ST6GALNAC3: variants seen among roughly 807,000 people sequenced by gnomAD.
The protein encoded by ST6GALNAC3 is ST6 N-acetylgalactosaminide alpha-2,6-sialyltransferase 3.
Under a neutral mutation model 32.7 loss-of-function variants are expected in ST6GALNAC3, and 25 were observed. The observed-to-expected ratio is 0.76, with a 90% confidence interval of 0.56 to 1.07. The LOEUF is 1.07. Among genes scored for constraint, ST6GALNAC3 ranks in the 50% least tolerant of loss-of-function variants. The pLI is 0.00. For synonymous variants in ST6GALNAC3, 129 were observed against 133.1 expected (o/e 0.97, Z 0.21); for missense variants, 355 against 382.4 (o/e 0.93, Z 0.60).
intron 1 of ST6GALNAC3, among the ~76,000 whole-genome samples, chr1:76,123,548 A>C (rs1244041019): frequency 6.6e-6 from 1 of 151,914 alleles, no homozygotes; most frequent in Non-Finnish European, 1.5e-5. Flanking sequence ...GTGTGTGGCC[A>C]GTAAGGGGGT....
intron 3 of ST6GALNAC3, among the ~76,000 whole-genome samples, chr1:76,429,067 A>G (rs1655579275): frequency 6.6e-6 from 1 of 152,076 alleles, no homozygotes; most frequent in Non-Finnish European, 1.5e-5. Context: ...AAAAATAACA[A>G]TTAGTCCTTC....
intron 2 of ST6GALNAC3, among the ~76,000 whole-genome samples, chr1:76,316,111 TAAG>T (rs1646860150): frequency 6.6e-6 from 1 of 152,064 alleles, no homozygotes; most frequent in African/African-American, 2.4e-5. Context: ...GGCAAAAAAT[TAAG>T]AAGTCTGACA....
chr1:76,262,899 A>G (rs566864366), intron 1 of ST6GALNAC3, among the ~76,000 whole-genome samples: 1 of 152,182 alleles, frequency 6.6e-6, no homozygotes, highest in South Asian at 2.1e-4. Flanking sequence ...TGTTTATTAT[A>G]TCCTGGATGA....
At chr1:76,245,177 A>T (rs921694860) in intron 1 of ST6GALNAC3, among the ~76,000 whole-genome samples, 2 of 152,216 alleles carry the variant, frequency 1.3e-5, no homozygotes, top group African/African-American at 4.8e-5. Flanking sequence ...GTATGTGTCC[A>T]GGAATTTATC....
intron 3 of ST6GALNAC3, among the ~76,000 whole-genome samples, chr1:76,618,526 G>A (rs1191461475): frequency 5.3e-5 from 8 of 152,128 alleles, no homozygotes; most frequent in East Asian, 1.9e-4. Flanking sequence ...ATTATCAATC[G>A]AAAAATATTA....
intron 2 of ST6GALNAC3, among the ~76,000 whole-genome samples, chr1:76,390,558 T>C (rs1402411460): frequency 9.2e-5 from 14 of 152,204 alleles, no homozygotes; most frequent in Admixed American, 7.9e-4. Context: ...TGCCAGAAGA[T>C]GGTTTGCTCC....
At chr1:76,442,876 C>T (rs1288066086) in intron 3 of ST6GALNAC3, among the ~76,000 whole-genome samples, 1 of 152,214 alleles carries the variant, frequency 6.6e-6, no homozygotes, top group Non-Finnish European at 1.5e-5. Flanking sequence ...CATCAGACTC[C>T]TGCTGGATAC....
chr1:76,459,482 T>A lies in ST6GALNAC3; in HGVS notation c.623+47065T>A, dbSNP rs547256192. On this transcript the variant is annotated intron_variant, in intron 3 of 4. Transcript: ENST00000328299. ...GGGAGGCTGAGGTAGGAGAATGGCATGAATCCAGGAGGCAGAGCTTGCAGT... is the reference window on the plus strand; with the variant it reads ...GGGAGGCTGAGGTAGGAGAATGGCAAGAATCCAGGAGGCAGAGCTTGCAGT... 2.0e-5 allele frequency among the ~76,000 whole-genome samples: 3 copies of A among 151,410 alleles called. No homozygotes were observed. The South Asian group carries it at 6.3e-4, about 32-fold the overall frequency.
chr1:76,452,668 G>T (rs1033698587), intron 3 of ST6GALNAC3, among the ~76,000 whole-genome samples: 2 of 152,120 alleles, frequency 1.3e-5, no homozygotes, highest in Non-Finnish European at 1.5e-5. Flanking sequence ...TACACTGTTG[G>T]ATTCAGTTAG....
At chr1:76,466,010 G>T (rs1441747678) in intron 3 of ST6GALNAC3, among the ~76,000 whole-genome samples, 1 of 152,078 alleles carries the variant, frequency 6.6e-6, no homozygotes, top group Non-Finnish European at 1.5e-5. Context: ...AGGACCATTA[G>T]CTTATGTATC....
intron 2 of ST6GALNAC3, among the ~76,000 whole-genome samples, chr1:76,409,568 C>A (rs1654070835): frequency 6.6e-6 from 1 of 151,908 alleles, no homozygotes; most frequent in African/African-American, 2.4e-5. Context: ...GCTAAATGCC[C>A]AGCAGTAGGC....
At chr1:76,469,946 T>C (rs1658905557) in intron 3 of ST6GALNAC3, among the ~76,000 whole-genome samples, 1 of 152,092 alleles carries the variant, frequency 6.6e-6, no homozygotes, top group Admixed American at 6.6e-5. Context: ...CACTTTTTAC[T>C]TGCAGTGAAA....
chr1:76,628,934 C>T lies in ST6GALNAC3; in HGVS notation c.*128C>T, dbSNP rs1557640635. ...ACAATGATTATCAAGTTCCTGTACACTCTCAGATGTGGATGGTGACTCTGC... is the reference window on the plus strand; with the variant it reads ...ACAATGATTATCAAGTTCCTGTACATTCTCAGATGTGGATGGTGACTCTGC... On this transcript the variant is annotated 3_prime_UTR_variant, in exon 5 of 5. Transcript: ENST00000328299. 2 of 1,494,248 alleles carry T rather than the reference C, an allele frequency of 1.3e-6. No homozygotes were observed. Among genetic ancestry groups the T allele is most frequent in the East Asian group, 2.4e-5 (1 of 41,524 alleles). The allele number at this position is 1,494,248 out of a possible 1,614,324, so 92.6% of individuals were successfully genotyped here.
intron 1 of ST6GALNAC3, among the ~76,000 whole-genome samples, chr1:76,082,741 C>G (rs1312321449): frequency 1.3e-5 from 2 of 152,156 alleles, no homozygotes; most frequent in African/African-American, 4.8e-5. Flanking sequence ...CCAGGCCTCT[C>G]TTTCATTTCC....
chr1:76,149,370 G>C (rs549324127), intron 1 of ST6GALNAC3, among the ~76,000 whole-genome samples: 83 of 152,302 alleles, frequency 5.4e-4, no homozygotes, highest in Non-Finnish European at 1.0e-3. Flanking sequence ...CAGTGGGAAA[G>C]AGTATATTCC....
chr1:76,556,806 C>G (rs916270953), intron 3 of ST6GALNAC3, among the ~76,000 whole-genome samples: 1 of 152,106 alleles, frequency 6.6e-6, no homozygotes, highest in Admixed American at 6.6e-5. Context: ...AATATTTTCT[C>G]TCACCTTGTG....
intron 3 of ST6GALNAC3, among the ~76,000 whole-genome samples, chr1:76,541,509 T>C (rs1663990471): frequency 6.6e-6 from 1 of 152,252 alleles, no homozygotes; most frequent in Non-Finnish European, 1.5e-5. Flanking sequence ...AAGTATGTTA[T>C]AAACTATTTT....
chr1:76,360,553 C>T (rs762249227), intron 2 of ST6GALNAC3, among the ~76,000 whole-genome samples: 2 of 152,156 alleles, frequency 1.3e-5, no homozygotes, highest in Non-Finnish European at 2.9e-5. Flanking sequence ...TATATTAATA[C>T]TAAATATGCC....
chr1:76,289,548 A>C (rs1659959455), intron 1 of ST6GALNAC3, among the ~76,000 whole-genome samples: 1 of 152,230 alleles, frequency 6.6e-6, no homozygotes, highest in South Asian at 2.1e-4. Flanking sequence ...GAATGGTTTC[A>C]TTAGGAAAAC....
Sources: gnomAD v4.1 joint callset for allele counts (sites outside exome capture counted in the v4.1 genomes callset) on GRCh38, gnomAD v4.1.1 for gene constraint, MANE v1.5 for transcripts, NCBI Gene and HGNC (gene_info 2026-07-23, HGNC 2026-07-21) for gene names.